Variants in PRKDC observed in about 807,000 individuals in gnomAD.
PRKDC encodes protein kinase, DNA-activated, catalytic subunit.
In PRKDC, 82 loss-of-function variants were observed where a neutral mutation model predicts 486.9. The observed-to-expected ratio is 0.17, with a 90% CI of 0.14 to 0.20. The LOEUF is 0.20. PRKDC is among the 10% of genes least tolerant of loss of function. The probability of loss-of-function intolerance (pLI) is 1.00; values close to 1 mark genes in which losing one functional copy is unlikely to be tolerated. For missense variants in PRKDC, 4,504 were observed against 5,038.2 expected, an observed-to-expected ratio of 0.89 and a Z score of 3.21; for synonymous variants, 1,895 against 1,837.0, an observed-to-expected ratio of 1.03 and a Z score of -0.81.
chr8:47,888,005 G>A (rs899485801), intron 34 of PRKDC, among the ~76,000 whole-genome samples: 5 of 152,044 alleles, frequency 3.3e-5, no homozygotes, highest in Non-Finnish European at 5.9e-5. Flanking sequence ...ACGGGTCCGC[G>A]GCACCCACTC....
chr8:47,884,143 C>T (rs868751860), intron 36 of PRKDC, among the ~76,000 whole-genome samples: 21 of 152,252 alleles, frequency 1.4e-4, no homozygotes, highest in Admixed American at 1.0e-3. Context: ...CATATTCAGC[C>T]ATGCCAGAGC....
chr8:47,827,712 T>C (rs532941709), intron 62 of PRKDC, among the ~76,000 whole-genome samples: 1 of 152,338 alleles, frequency 6.6e-6, no homozygotes, highest in South Asian at 2.1e-4. Flanking sequence ...GTGGGTTGCC[T>C]ATTACCCATC....
At chr8:47,806,610 A>C (rs778058341) in intron 69 of PRKDC, among the ~76,000 whole-genome samples, 1 of 152,252 alleles carries the variant, frequency 6.6e-6, no homozygotes, top group African/African-American at 2.4e-5. Flanking sequence ...ATACATTTAA[A>C]TAGATTACAT....
intron 32 of PRKDC, 129 bp downstream of exon 32, chr8:47,890,128 A>ATAT (rs1228366802): frequency 5.4e-6 from 2 of 373,232 alleles, no homozygotes; most frequent in African/African-American, 2.5e-5. Context: ...AGAGGATGAA[A>ATAT]TATAATAATA....
At chr8:47,935,098 G>T (rs1402407391) in intron 13 of PRKDC, 40 bp from the exon 14 acceptor site, 1 of 1,297,414 alleles carries the variant, frequency 7.7e-7, no homozygotes, top group Non-Finnish European at 1.1e-6. Context: ...AGGAAACACT[G>T]AAAAACAGAA....
intron 28 of PRKDC, among the ~76,000 whole-genome samples, chr8:47,899,529 G>C (rs575590627): frequency 1.3e-5 from 2 of 152,332 alleles, no homozygotes; most frequent in South Asian, 4.1e-4. Context: ...TGTAGTCTCA[G>C]CTACTCGGGA....
chr8:47,825,504 C>CAAAAAAAAAAAAAAAAAA (rs397891351), intron 63 of PRKDC, among the ~76,000 whole-genome samples: 1 of 10,250 alleles, frequency 9.8e-5, no homozygotes, highest in African/African-American at 3.6e-4. Flanking sequence ...AAGACTGTCT[C>CAAAAAAAAAAAAAAAAAA]AAAAAAAAAA....
chr8:47,898,403 T>C (rs998198646), intron 29 of PRKDC, 67 bp downstream of exon 29: 1 of 1,260,360 alleles, frequency 7.9e-7, no homozygotes, highest in Non-Finnish European at 1.1e-6. Context: ...TCCCAGGTTG[T>C]CCTTCATTAG....
rs72647911 is a variant in PRKDC at position 47,893,781 on chromosome 8, A to G, written c.3599-394T>C. On this transcript the variant is annotated intron_variant, in intron 30 of 85. Coordinates refer to ENST00000314191, the MANE Select transcript of PRKDC (RefSeq NM_006904.7). ...ATGTGCTTAGAATAACGTCTACCAC[A>G]CAGTAAGTGCAGTGTTTGTTAAATA... 6.1e-3 allele frequency among the ~76,000 whole-genome samples: 922 copies of G among 152,354 alleles called. 5 individuals are homozygous for G. The highest frequency in any genetic ancestry group is 0.01 in the Middle Eastern group (3 of 294).
At chr8:47,790,777 AT>A (rs960154924) in intron 74 of PRKDC, among the ~76,000 whole-genome samples, 1 of 152,160 alleles carries the variant, frequency 6.6e-6, no homozygotes. Context: ...CAGTGAATCC[AT>A]TTTTTCACAA....
intron 31 of PRKDC, 27 bp downstream of exon 31, chr8:47,893,112 C>CACCAG: frequency 6.4e-7 from 1 of 1,553,748 alleles, no homozygotes; most frequent in East Asian, 2.3e-5. Context: ...GCACGACACA[C>CACCAG]ACCAGAATAA....
intron 55 of PRKDC, 84 bp from the exon 56 acceptor site, chr8:47,839,330 T>A: frequency 1.0e-6 from 1 of 958,626 alleles, no homozygotes; most frequent in East Asian, 2.6e-5. Flanking sequence ...CATCTAGAAT[T>A]CAATTTTAAA....
At chr8:47,894,828 G>C (rs1563790594) in intron 30 of PRKDC, among the ~76,000 whole-genome samples, 1 of 152,162 alleles carries the variant, frequency 6.6e-6, no homozygotes, top group Non-Finnish European at 1.5e-5. Context: ...CCAGCACTTT[G>C]GGAAGCCAAG....
chr8:47,860,853 A>G lies in PRKDC; in HGVS notation c.6058+46T>C, dbSNP rs897518253. ...GTCTTAGAACAAAACAAAACAAAATAACCCATCGATTTGAATCCTTTCTCA... is the reference window on the plus strand; with the variant it reads ...GTCTTAGAACAAAACAAAACAAAATGACCCATCGATTTGAATCCTTTCTCA... On this transcript the variant is annotated intron_variant, in intron 45 of 85. Coordinates refer to ENST00000314191, the MANE Select transcript of PRKDC (RefSeq NM_006904.7). 2.8e-6 allele frequency: 4 copies of G among 1,443,388 alleles called. No homozygotes were observed. The African/African-American group carries it at 5.7e-5, about 20-fold the overall frequency. The allele number at this position is 1,443,388 out of a possible 1,614,324, so 89.4% of individuals were successfully genotyped here. A position where few individuals can be genotyped will look rare whatever the true frequency, so the allele number is the denominator to read the frequency against.
chr8:47,885,134 T>C, intron 36 of PRKDC, among the ~76,000 whole-genome samples: 1 of 152,218 alleles, frequency 6.6e-6, no homozygotes, highest in Non-Finnish European at 1.5e-5. Context: ...TGTTTTAACA[T>C]CCAATAACAC....
At chr8:47,831,772 G>A (rs1392216091) in intron 60 of PRKDC, 42 bp downstream of exon 60, 1 of 1,591,572 alleles carries the variant, frequency 6.3e-7, no homozygotes, top group Non-Finnish European at 8.6e-7. Context: ...TCCTGTGACA[G>A]AAACTGCATC....
intron 35 of PRKDC, among the ~76,000 whole-genome samples, chr8:47,886,847 C>T (rs2089344909): frequency 6.6e-6 from 1 of 152,100 alleles, no homozygotes; most frequent in Non-Finnish European, 1.5e-5. Context: ...GCCACCATAC[C>T]TGGCTAATTT....
intron 54 of PRKDC, among the ~76,000 whole-genome samples, chr8:47,844,903 A>G (rs2088233362): frequency 6.6e-6 from 1 of 152,190 alleles, no homozygotes; most frequent in Admixed American, 6.5e-5. Context: ...ATAATCAAAC[A>G]TCGCATATAA....
rs1274710187 is a variant in PRKDC, at chr8:47,934,102, G to T, written c.1498-12C>A. Reference sequence around the variant, plus strand: ...TCAGACTCAGGGCCCTGGCCAGAAAGACAGCATGACAATATGTAGTGATGG... The same window carrying T: ...TCAGACTCAGGGCCCTGGCCAGAAATACAGCATGACAATATGTAGTGATGG... On this transcript the variant is annotated splice_polypyrimidine_tract_variant and intron_variant, in intron 14 of 85. Coordinates refer to ENST00000314191, the MANE Select transcript of PRKDC (RefSeq NM_006904.7). The T allele has an allele frequency of 1.2e-6, 2 of 1,609,652 alleles. No individual in the cohort carries two copies. The highest frequency in any genetic ancestry group is 2.2e-5 in the South Asian group (2 of 90,466).
Sources: gnomAD v4.1 joint callset for allele counts (sites outside exome capture counted in the v4.1 genomes callset) on GRCh38, gnomAD v4.1.1 for gene constraint, MANE v1.5 for transcripts, NCBI Gene and HGNC (gene_info 2026-07-23, HGNC 2026-07-21) for gene names.